Variants in ASIP observed in about 807,000 individuals in gnomAD.
The protein encoded by ASIP is agouti signaling protein, also known as agouti-signaling protein.
Under a neutral mutation model 10.3 loss-of-function variants are expected in ASIP, and 11 were observed. The ratio of observed to expected loss-of-function variants is 1.07; its 90% confidence interval spans 0.68 to 1.78. The LOEUF is 1.78. Among genes scored for constraint, ASIP ranks in the 40% most tolerant of loss-of-function variants. The pLI is 0.00. For synonymous variants in ASIP, 70 were observed against 70.8 expected (o/e 0.99, Z 0.06); for missense variants, 180 against 169.2 (o/e 1.06, Z -0.35).
chr20:34,249,225 G>A (rs2035432855), intron 1 of ASIP, among the ~76,000 whole-genome samples: 1 of 152,094 alleles, frequency 6.6e-6, no homozygotes, highest in Non-Finnish European at 1.5e-5. Flanking sequence ...CACACAGGGA[G>A]CTAGTGGCAG....
intron 1 of ASIP, among the ~76,000 whole-genome samples, chr20:34,195,858 C>G (rs1044619038): frequency 6.6e-6 from 1 of 151,876 alleles, no homozygotes; most frequent in African/African-American, 2.4e-5. Context: ...TTTTAATAGT[C>G]TATTTTACTG....
At chr20:34,246,471 C>T in intron 1 of ASIP, 3 of 1,399,438 alleles carry the variant, frequency 2.1e-6, no homozygotes, top group Non-Finnish European at 3.0e-6. Flanking sequence ...GGGTAATTGG[C>T]ATCTAACTTG....
chr20:34,267,025 T>C (rs768285395), intron 3 of ASIP, among the ~76,000 whole-genome samples: 1 of 152,184 alleles, frequency 6.6e-6, no homozygotes, highest in Non-Finnish European at 1.5e-5. Flanking sequence ...GTCCCTGCTC[T>C]TTTCTAGGCC....
intron 1 of ASIP, among the ~76,000 whole-genome samples, chr20:34,210,209 T>C (rs1357062397): frequency 1.3e-5 from 2 of 152,192 alleles, no homozygotes; most frequent in Admixed American, 6.5e-5. Context: ...GGCTGAAACG[T>C]CCCTTGCTCA....
At chr20:34,215,488 T>G in intron 1 of ASIP, 1 of 1,528,726 alleles carries the variant, frequency 6.5e-7, no homozygotes, top group Non-Finnish European at 9.1e-7. Context: ...TCCCCTTGGA[T>G]TTAGGTCCAC....
chr20:34,235,268 C>T (rs1470418843), intron 1 of ASIP, among the ~76,000 whole-genome samples: 2 of 152,146 alleles, frequency 1.3e-5, no homozygotes, highest in East Asian at 1.9e-4. Flanking sequence ...TGTGAAACCC[C>T]GTCTCTACTA....
chr20:34,214,850 C>A, intron 1 of ASIP: 1 of 1,604,002 alleles, frequency 6.2e-7, no homozygotes, highest in Non-Finnish European at 8.5e-7. Flanking sequence ...TCATCATCCT[C>A]ATGAATTAGT....
intron 1 of ASIP, chr20:34,215,985 C>G: frequency 1.4e-6 from 1 of 734,256 alleles, no homozygotes; most frequent in Admixed American, 1.8e-5. Context: ...TCACTCCAGC[C>G]CGCCTCCCAG....
At chr20:34,216,945 G>C (rs1280435240) in intron 1 of ASIP, among the ~76,000 whole-genome samples, 1 of 152,140 alleles carries the variant, frequency 6.6e-6, no homozygotes, top group Non-Finnish European at 1.5e-5. Context: ...GAGCTCTGGA[G>C]ACGATTTGAG....
chr20:34,201,014 TTCC>T (rs1444861522), intron 1 of ASIP, among the ~76,000 whole-genome samples: 139 of 86,982 alleles, frequency 1.6e-3, no homozygotes, highest in Non-Finnish European at 2.0e-3. Context: ...CCTTCCTTCC[TTCC>T]TTCTTTCTTT....
chr20:34,213,837 A>G, intron 1 of ASIP: 3 of 1,534,218 alleles, frequency 2.0e-6, no homozygotes, highest in Non-Finnish European at 2.7e-6. Context: ...AAACTTCGGA[A>G]CAGCCACACT....
chr20:34,268,855 G>A lies in ASIP; in HGVS notation c.223-136G>A, dbSNP rs562675235. 123 of 1,039,182 alleles carry A rather than the reference G, an allele frequency of 1.2e-4. No homozygotes were observed. The African/African-American group carries it at 1.8e-3, about 15-fold the overall frequency. 64.4% of individuals were successfully genotyped at this position (1,039,182 alleles called of 1,614,324 possible). On this transcript the variant is annotated intron_variant, in intron 3 of 3. Coordinates refer to ENST00000374954, the MANE Select transcript of ASIP (RefSeq NM_001672.3). The stretch of plus-strand genomic sequence containing the variant: ...GGTGAGGGAATCTGACTGGGGGAGC[G>A]GGCGGTGGGCGGTGGGCAAGCCAGC...
chr20:34,251,148 C>G (rs1020834697), intron 1 of ASIP, among the ~76,000 whole-genome samples: 7 of 152,192 alleles, frequency 4.6e-5, no homozygotes, highest in African/African-American at 1.7e-4. Context: ...CTTGTACAAA[C>G]TTTCCATGAC....
intron 1 of ASIP, among the ~76,000 whole-genome samples, chr20:34,235,318 T>C (rs1373187732): frequency 6.6e-6 from 1 of 152,148 alleles, no homozygotes; most frequent in Non-Finnish European, 1.5e-5. Context: ...CAGGCACCTG[T>C]AATCCCAGCT....
intron 1 of ASIP, among the ~76,000 whole-genome samples, chr20:34,225,710 TAG>T (rs750876333): frequency 1.3e-5 from 2 of 152,126 alleles, no homozygotes; most frequent in Non-Finnish European, 2.9e-5. Flanking sequence ...TGTCTCTCAG[TAG>T]AGTTTATAGC....
chr20:34,235,850 A>AAAGG (rs1293904188), intron 1 of ASIP, among the ~76,000 whole-genome samples: 1 of 46,668 alleles, frequency 2.1e-5, no homozygotes, highest in East Asian at 6.8e-4. Flanking sequence ...AGAAGGAAGG[A>AAAGG]AGGAAGGAAG....
intron 1 of ASIP, among the ~76,000 whole-genome samples, chr20:34,257,070 C>CTTTTTT (rs56227909): frequency 2.2e-5 from 3 of 139,418 alleles, no homozygotes; most frequent in Admixed American, 1.4e-4. Context: ...CTTTCTTTCT[C>CTTTTTT]TTTTTTTTTT....
intron 1 of ASIP, among the ~76,000 whole-genome samples, chr20:34,249,301 T>C: frequency 6.6e-6 from 1 of 151,512 alleles, no homozygotes; most frequent in African/African-American, 2.4e-5. Flanking sequence ...CGCATTCCCA[T>C]CCCCCGCCCC....
chr20:34,249,353 C>T (rs1325165609), intron 1 of ASIP, among the ~76,000 whole-genome samples: 1 of 151,396 alleles, frequency 6.6e-6, no homozygotes, highest in East Asian at 1.9e-4. Context: ...ATCCGATGCC[C>T]AGAGCCCTGG....
Sources: allele counts gnomAD v4.1 joint callset (sites outside exome capture counted in the v4.1 genomes callset), GRCh38; gene constraint gnomAD v4.1.1; transcripts MANE v1.5; gene names NCBI Gene and HGNC (gene_info 2026-07-23, HGNC 2026-07-21).